Variants in KCNIP4 observed in about 807,000 individuals in gnomAD.
KCNIP4 encodes Kv channel-interacting protein 4.
KCNIP4 carries 12 observed loss-of-function variants against 34.0 expected under a neutral mutation model. The observed-to-expected ratio is 0.35, with a 90% CI of 0.23 to 0.57. The LOEUF is 0.57. Ranked by LOEUF, KCNIP4 falls within the 20% of genes least tolerant of loss-of-function variation. The pLI is 0.83. For synonymous variants in KCNIP4, 124 were observed against 102.2 expected (o/e 1.21, Z -1.29); for missense variants, 238 against 311.7 (o/e 0.76, Z 1.78).
chr4:21,236,486 T>C (rs1254462932), intron 1 of KCNIP4, among the ~76,000 whole-genome samples: 1 of 152,140 alleles, frequency 6.6e-6, no homozygotes, highest in Non-Finnish European at 1.5e-5. Context: ...CACTGATTTT[T>C]CCCCCATTCA....
intron 1 of KCNIP4, among the ~76,000 whole-genome samples, chr4:21,105,990 C>T (rs1339124295): frequency 5.9e-5 from 9 of 151,322 alleles, no homozygotes; most frequent in African/African-American, 2.0e-4. Flanking sequence ...CTGCTGGATT[C>T]GGTTTGCCAG....
chr4:21,027,757 C>G (rs1255691715), intron 1 of KCNIP4, among the ~76,000 whole-genome samples: 2 of 151,796 alleles, frequency 1.3e-5, no homozygotes, highest in African/African-American at 4.8e-5. Flanking sequence ...GGGAAAGGAC[C>G]GTTTGTCTAA....
At chr4:21,221,958 G>T (rs1758009965) in intron 1 of KCNIP4, among the ~76,000 whole-genome samples, 1 of 152,022 alleles carries the variant, frequency 6.6e-6, no homozygotes, top group African/African-American at 2.4e-5. Context: ...GTTGCCCATG[G>T]TAACATTCAG....
intron 1 of KCNIP4, among the ~76,000 whole-genome samples, chr4:21,376,797 C>T (rs1199532068): frequency 2.0e-5 from 3 of 152,144 alleles, no homozygotes; most frequent in Admixed American, 1.3e-4. Flanking sequence ...TTTAGACTTG[C>T]GGATTGCACC....
chr4:21,115,580 T>C (rs769807838), intron 1 of KCNIP4, among the ~76,000 whole-genome samples: 3 of 152,152 alleles, frequency 2.0e-5, no homozygotes, highest in African/African-American at 4.8e-5. Flanking sequence ...GTTAGACAAT[T>C]CAGCTTTAGT....
intron 1 of KCNIP4, among the ~76,000 whole-genome samples, chr4:21,410,811 T>C (rs187233809): frequency 6.6e-6 from 1 of 152,270 alleles, no homozygotes; most frequent in East Asian, 1.9e-4. Context: ...TAAGGAGAAA[T>C]TTATCCTATG....
At chr4:21,870,136 C>T (rs751772544) in intron 1 of KCNIP4, among the ~76,000 whole-genome samples, 31 of 152,114 alleles carry the variant, frequency 2.0e-4, no homozygotes, top group Admixed American at 6.5e-4. Context: ...TTAGCGTCAC[C>T]TTAGTGTGTC....
chr4:21,576,504 C>T (rs1039020777), intron 1 of KCNIP4, among the ~76,000 whole-genome samples: 1 of 152,104 alleles, frequency 6.6e-6, no homozygotes, highest in Non-Finnish European at 1.5e-5. Flanking sequence ...CATTAGACCT[C>T]GCTTGCATAC....
chr4:21,097,566 C>A (rs1212668055), intron 1 of KCNIP4, among the ~76,000 whole-genome samples: 3 of 152,054 alleles, frequency 2.0e-5, no homozygotes, highest in Non-Finnish European at 4.4e-5. Context: ...ATTATTACAT[C>A]TGTCTTGGTG....
At chr4:21,583,828 T>C (rs1312416625) in intron 1 of KCNIP4, among the ~76,000 whole-genome samples, 1 of 152,036 alleles carries the variant, frequency 6.6e-6, no homozygotes, top group Non-Finnish European at 1.5e-5. Context: ...AGAAGTTTCT[T>C]ACACATAGTG....
At chr4:21,931,639 T>G (rs961629615) in intron 1 of KCNIP4, among the ~76,000 whole-genome samples, 1 of 152,070 alleles carries the variant, frequency 6.6e-6, no homozygotes, top group Non-Finnish European at 1.5e-5. Flanking sequence ...ATGTATTCAA[T>G]GGTGTATATG....
At chr4:21,058,727 C>G (rs1743640203) in intron 1 of KCNIP4, among the ~76,000 whole-genome samples, 2 of 151,986 alleles carry the variant, frequency 1.3e-5, no homozygotes, top group Non-Finnish European at 2.9e-5. Context: ...AAACTTTTTT[C>G]TATAATAAGC....
intron 1 of KCNIP4, among the ~76,000 whole-genome samples, chr4:21,251,595 C>T (rs1760702991): frequency 6.6e-6 from 1 of 151,996 alleles, no homozygotes; most frequent in Non-Finnish European, 1.5e-5. Flanking sequence ...ATTTTTGAAA[C>T]TTAAAATGTT....
At chr4:21,527,578 T>C (rs1736077563) in intron 1 of KCNIP4, among the ~76,000 whole-genome samples, 1 of 152,158 alleles carries the variant, frequency 6.6e-6, no homozygotes, top group African/African-American at 2.4e-5. Flanking sequence ...AAATGATGGA[T>C]GTAAAGAGCC....
intron 1 of KCNIP4, among the ~76,000 whole-genome samples, chr4:20,987,858 G>A (rs926397323): frequency 3.9e-4 from 59 of 151,492 alleles, no homozygotes; most frequent in East Asian, 1.2e-3. Context: ...AAAATTAGCC[G>A]GGCGTGGTGG....
chr4:21,745,752 T>C (rs1716734712), intron 1 of KCNIP4, among the ~76,000 whole-genome samples: 2 of 152,128 alleles, frequency 1.3e-5, no homozygotes, highest in Admixed American at 6.6e-5. Flanking sequence ...ATACATGCTT[T>C]ATGCTAAAAA....
chr4:20,732,548 G>A (rs6812257), intron 7 of KCNIP4, 133 bp downstream of exon 7: 196,860 of 666,910 alleles, frequency 0.3, 31,311 homozygotes, highest in African/African-American at 0.43. Flanking sequence ...TAAATTAATA[G>A]GATGCTAAAT....
intron 1 of KCNIP4, among the ~76,000 whole-genome samples, chr4:21,878,019 T>A (rs1182904321): frequency 2.0e-5 from 3 of 152,148 alleles, no homozygotes; most frequent in Admixed American, 2.0e-4. Context: ...AAACTTACAC[T>A]TTTGTATGTG....
chr4:20,912,432 T>C (rs1420633725), intron 1 of KCNIP4, among the ~76,000 whole-genome samples: 2 of 152,166 alleles, frequency 1.3e-5, no homozygotes, highest in Admixed American at 6.5e-5. Context: ...AATTCATTTA[T>C]AGGCTGGGTG....
Sources: allele counts gnomAD v4.1 joint callset (sites outside exome capture counted in the v4.1 genomes callset), GRCh38; gene constraint gnomAD v4.1.1; transcripts MANE v1.5; gene names NCBI Gene and HGNC (gene_info 2026-07-23, HGNC 2026-07-21).